Variants in MDGA2 observed in about 807,000 individuals in gnomAD.
The protein encoded by MDGA2 is MAM domain-containing glycosylphosphatidylinositol anchor protein 2.
In MDGA2, 40 loss-of-function variants were observed where a neutral mutation model predicts 117.8. The observed-to-expected ratio is 0.34, with a 90% confidence interval of 0.26 to 0.44. The LOEUF (loss-of-function observed/expected upper bound fraction) is 0.44. Among genes scored for constraint, MDGA2 ranks in the 20% least tolerant of loss-of-function variants. The probability of loss-of-function intolerance (pLI) is 1.00; values close to 1 mark genes in which losing one functional copy is unlikely to be tolerated. For synonymous variants in MDGA2, 452 were observed against 439.0 expected, an observed-to-expected ratio of 1.03 and a Z score of -0.37; for missense variants, 1,123 against 1,250.6, an observed-to-expected ratio of 0.90 and a Z score of 1.54.
At chr14:47,604,760 G>T (rs1270748779) in intron 1 of MDGA2, among the ~76,000 whole-genome samples, 1 of 152,078 alleles carries the variant, frequency 6.6e-6, no homozygotes, top group African/African-American at 2.4e-5. Context: ...GACTTTCAGT[G>T]GAAATGATCT....
At chr14:47,051,968 AT>A (rs1889474207) in intron 7 of MDGA2, among the ~76,000 whole-genome samples, 4 of 151,882 alleles carry the variant, frequency 2.6e-5, no homozygotes, top group Non-Finnish European at 5.9e-5. Flanking sequence ...TCTTGGTATT[AT>A]AGCCTTAAAA....
intron 1 of MDGA2, among the ~76,000 whole-genome samples, chr14:47,644,109 C>A (rs1243301641): frequency 6.6e-6 from 1 of 152,120 alleles, no homozygotes. Context: ...TCACTTCAGT[C>A]TACATACTAG....
At chr14:47,309,616 C>T (rs1255822195) in intron 1 of MDGA2, among the ~76,000 whole-genome samples, 2 of 152,050 alleles carry the variant, frequency 1.3e-5, no homozygotes, top group African/African-American at 2.4e-5. Context: ...AATCCAGAAG[C>T]TTCTGGCTTC....
intron 2 of MDGA2, among the ~76,000 whole-genome samples, chr14:47,285,954 C>T (rs1888655831): frequency 6.6e-6 from 1 of 151,982 alleles, no homozygotes; most frequent in African/African-American, 2.4e-5. Context: ...TAATGCCTGT[C>T]ATATTCACTC....
intron 6 of MDGA2, among the ~76,000 whole-genome samples, chr14:47,081,451 T>C (rs1169422790): frequency 6.6e-6 from 1 of 152,180 alleles, no homozygotes; most frequent in Non-Finnish European, 1.5e-5. Context: ...CCACTTATAA[T>C]GCAACTTCTA....
chr14:47,361,683 G>A lies in MDGA2; in HGVS notation c.281-60133C>T, dbSNP rs1330877647. Among the ~76,000 whole-genome samples, 42 of 151,994 alleles carry A rather than the reference G, an allele frequency of 2.8e-4. 1 individual carries two copies. Among genetic ancestry groups the A allele is most frequent in the Admixed American group, 2.7e-3 (41 of 15,260 alleles). On this transcript the variant is annotated intron_variant, in intron 1 of 16. Coordinates refer to ENST00000399232, the MANE Select transcript of MDGA2 (RefSeq NM_001113498.3). ...GGTTTCCTTACCCTTAAAAATAAGA[G>A]ATTGGACCAGATGAGTTCTTGGACT...
chr14:47,180,013 CTAT>C (rs1374112111), intron 3 of MDGA2, among the ~76,000 whole-genome samples: 1 of 129,668 alleles, frequency 7.7e-6, no homozygotes, highest in Non-Finnish European at 1.7e-5. Flanking sequence ...TATTCTTATT[CTAT>C]TCTTTAACTT....
At chr14:47,012,402 C>T (rs893756465) in intron 8 of MDGA2, among the ~76,000 whole-genome samples, 1 of 151,950 alleles carries the variant, frequency 6.6e-6, no homozygotes, top group South Asian at 2.1e-4. Context: ...TTTTCAAATA[C>T]CAATTTAGTG....
chr14:47,529,276 A>T (rs1895043046), intron 1 of MDGA2, among the ~76,000 whole-genome samples: 1 of 152,204 alleles, frequency 6.6e-6, no homozygotes. Flanking sequence ...TCTATAAATC[A>T]TAGACAGATA....
rs1264932734 is a variant in MDGA2 at position 47,078,952 on chromosome 14, GC to G, written c.1196-17375del. 1.3e-5 allele frequency among the ~76,000 whole-genome samples: 2 copies of G among 151,136 alleles called. 1 individual carries two copies. The highest frequency in any genetic ancestry group is 2.9e-5 in the Non-Finnish European group (2 of 67,870). On this transcript the variant is annotated intron_variant, in intron 6 of 16. Coordinates refer to ENST00000399232, the MANE Select transcript of MDGA2 (RefSeq NM_001113498.3). ...CCAACATCTCCCCAGTACTCCCCAT[GC>G]CCCCAGTCTCTCGTAACCACCATTC...
At chr14:47,512,661 T>C (rs1002852746) in intron 1 of MDGA2, among the ~76,000 whole-genome samples, 1 of 152,176 alleles carries the variant, frequency 6.6e-6, no homozygotes, top group South Asian at 2.1e-4. Context: ...TCAATGATTT[T>C]CTTAGGAGAT....
At chr14:47,353,369 G>A (rs1890925185) in intron 1 of MDGA2, among the ~76,000 whole-genome samples, 1 of 152,158 alleles carries the variant, frequency 6.6e-6, no homozygotes, top group Non-Finnish European at 1.5e-5. Context: ...TGTGTCGGAT[G>A]TATGGTCACT....
rs569732618 is a variant in MDGA2, at chr14:47,311,643, T to G, written c.281-10093A>C. Among the ~76,000 whole-genome samples the G allele has an allele frequency of 7.2e-5, 11 of 152,284 alleles. No individual in the cohort carries two copies. In the South Asian group the frequency reaches 1.7e-3, roughly 23 times the overall value. Reference sequence around the variant, plus strand: ...AGACTCCACTGGGGCAATACCCTCATGGACTGTAAACTTAGTAAATATCAA... The same window carrying G: ...AGACTCCACTGGGGCAATACCCTCAGGGACTGTAAACTTAGTAAATATCAA... On this transcript the variant is annotated intron_variant, in intron 1 of 16. Coordinates refer to ENST00000399232, the MANE Select transcript of MDGA2 (RefSeq NM_001113498.3).
chr14:46,925,585 T>C (rs1351091611), intron 9 of MDGA2, among the ~76,000 whole-genome samples: 1 of 141,150 alleles, frequency 7.1e-6, no homozygotes, highest in Admixed American at 7.6e-5. Flanking sequence ...TGAGCCGAGA[T>C]TGCCCAACTA....
chr14:47,615,506 C>A (rs1278709594), intron 1 of MDGA2, among the ~76,000 whole-genome samples: 1 of 152,064 alleles, frequency 6.6e-6, no homozygotes, highest in South Asian at 2.1e-4. Context: ...GTCTGAAATG[C>A]GGAATGTGCA....
At chr14:47,531,783 C>T (rs1373001654) in intron 1 of MDGA2, among the ~76,000 whole-genome samples, 13 of 152,110 alleles carry the variant, frequency 8.5e-5, no homozygotes, top group Admixed American at 8.5e-4. Context: ...ATAATGGTTT[C>T]TTATTTGAAG....
intron 1 of MDGA2, among the ~76,000 whole-genome samples, chr14:47,569,975 C>A (rs1336166251): frequency 6.6e-6 from 1 of 151,972 alleles, no homozygotes; most frequent in Admixed American, 6.6e-5. Flanking sequence ...AATGTTTAGG[C>A]AAAATAAATC....
At chr14:46,991,676 G>A (rs1405028446) in intron 8 of MDGA2, among the ~76,000 whole-genome samples, 1 of 152,062 alleles carries the variant, frequency 6.6e-6, no homozygotes, top group Admixed American at 6.6e-5. Flanking sequence ...ATGTTTCTAA[G>A]GGAAAAATAT....
At chr14:47,600,912 A>T (rs971750239) in intron 1 of MDGA2, among the ~76,000 whole-genome samples, 1 of 152,204 alleles carries the variant, frequency 6.6e-6, no homozygotes, top group African/African-American at 2.4e-5. Flanking sequence ...AAATTTAGTG[A>T]TACCAAAATT....
Sources: gnomAD v4.1 joint callset for allele counts (sites outside exome capture counted in the v4.1 genomes callset) on GRCh38, gnomAD v4.1.1 for gene constraint, MANE v1.5 for transcripts, NCBI Gene and HGNC (gene_info 2026-07-23, HGNC 2026-07-21) for gene names.